The following MCC variants were observed in gnomAD, a reference collection of about 807,000 sequenced individuals.
MCC encodes MCC regulator of Wnt signaling pathway, also known as colorectal mutant cancer protein.
Under a neutral mutation model 116.2 loss-of-function variants are expected in MCC, and 90 were observed. The observed-to-expected ratio is 0.77, with a 90% CI of 0.65 to 0.92. The LOEUF (loss-of-function observed/expected upper bound fraction) is 0.92. Ranked by LOEUF, MCC falls within the 40% of genes least tolerant of loss-of-function variation. The pLI, the probability that MCC is intolerant of heterozygous loss-of-function variation, is 0.00. For missense variants in MCC, 1,516 were observed against 1,312.2 expected, an observed-to-expected ratio of 1.16 and a Z score of -2.40; for synonymous variants, 578 against 510.5, an observed-to-expected ratio of 1.13 and a Z score of -1.78.
intron 3 of MCC, among the ~76,000 whole-genome samples, chr5:113,289,725 T>G (rs1270363272): frequency 6.6e-6 from 1 of 152,344 alleles, no homozygotes; most frequent in East Asian, 1.9e-4. Flanking sequence ...ATCTTGGAAG[T>G]AGATCCTCTT....
chr5:113,168,966 G>C (rs146263857), intron 3 of MCC, among the ~76,000 whole-genome samples: 2 of 152,130 alleles, frequency 1.3e-5, no homozygotes, highest in Non-Finnish European at 2.9e-5. Flanking sequence ...CATAATCGGT[G>C]GATGTAAAGA....
chr5:113,417,222 C>G (rs1770176759), intron 1 of MCC, among the ~76,000 whole-genome samples: 1 of 152,156 alleles, frequency 6.6e-6, no homozygotes, highest in Admixed American at 6.5e-5. Context: ...CCCACCTAGG[C>G]CTCCCAAAGT....
chr5:113,159,912 T>C lies in MCC; in HGVS notation c.628-8490A>G, dbSNP rs555661176. The stretch of plus-strand genomic sequence containing the variant: ...TATAAATTAAAGATGTCTCACTGCA[T>C]GGAAATCACTTTTGTGTGCCCTAGA... On this transcript the variant is annotated intron_variant, in intron 3 of 18. Transcript: ENST00000408903. Among the ~76,000 whole-genome samples the C allele has an allele frequency of 4.6e-5, 7 of 152,358 alleles. No homozygotes were observed. The South Asian group carries it at 1.4e-3, about 32-fold the overall frequency.
intron 13 of MCC, among the ~76,000 whole-genome samples, chr5:113,067,633 T>C (rs1281292122): frequency 3.9e-5 from 6 of 152,080 alleles, no homozygotes; most frequent in Admixed American, 3.3e-4. Flanking sequence ...CAAAACTCCA[T>C]CTCAAAACAA....
chr5:113,283,325 T>A (rs571577275), intron 3 of MCC, among the ~76,000 whole-genome samples: 1 of 152,246 alleles, frequency 6.6e-6, no homozygotes, highest in East Asian at 1.9e-4. Flanking sequence ...TAACTCAACA[T>A]CAACAAAAGC....
intron 3 of MCC, among the ~76,000 whole-genome samples, chr5:113,200,712 A>G (rs913038163): frequency 2.6e-5 from 4 of 152,178 alleles, no homozygotes; most frequent in Non-Finnish European, 5.9e-5. Flanking sequence ...CCTTATAAGC[A>G]AAAGGATCTA....
chr5:113,207,492 G>A (rs1762961225), intron 3 of MCC, among the ~76,000 whole-genome samples: 1 of 152,082 alleles, frequency 6.6e-6, no homozygotes, highest in African/African-American at 2.4e-5. Context: ...AGTGTATCTG[G>A]AAGAACTGAA....
At chr5:113,459,592 A>G (rs978148501) in intron 1 of MCC, among the ~76,000 whole-genome samples, 2 of 152,024 alleles carry the variant, frequency 1.3e-5, no homozygotes, top group African/African-American at 2.4e-5. Flanking sequence ...TTGCCTCTGA[A>G]CACTGTTATT....
chr5:113,156,977 G>C (rs1760207370), intron 3 of MCC, among the ~76,000 whole-genome samples: 1 of 152,188 alleles, frequency 6.6e-6, no homozygotes. Context: ...GAAGTGAGCA[G>C]TGCCCTCATG....
intron 7 of MCC, among the ~76,000 whole-genome samples, chr5:113,102,410 C>T (rs940912108): frequency 4.6e-5 from 7 of 152,146 alleles, no homozygotes; most frequent in South Asian, 4.1e-4. Context: ...GCCAACTCAG[C>T]GATAAGATAG....
intron 1 of MCC, among the ~76,000 whole-genome samples, chr5:113,451,973 G>C (rs934828602): frequency 2.0e-5 from 3 of 152,192 alleles, no homozygotes; most frequent in Non-Finnish European, 4.4e-5. Flanking sequence ...GATCAAGATG[G>C]CTTCACCCCC....
chr5:113,470,030 C>T (rs1411927579), intron 1 of MCC, among the ~76,000 whole-genome samples: 5 of 152,160 alleles, frequency 3.3e-5, no homozygotes, highest in East Asian at 1.9e-4. Context: ...TTTCCATTTG[C>T]TTGGTAGATC....
Position 113,434,158 on chromosome 5 carries a change from G to C in MCC, c.171-48946C>G. ...GGGAAGTTGACGCGGTGCTCCTTCT[G>C]GATACGCAGCATCTTCTTGATGTTG... is the stretch of plus-strand genomic sequence containing the variant. On this transcript the variant is annotated intron_variant, in intron 1 of 18. Transcript: ENST00000408903. This position sits in a 1 kb window ranked among gnomAD's most constrained non-coding sequence, Gnocchi z 4.2. 6.2e-7 allele frequency: 1 copy of C among 1,614,192 alleles called. No homozygotes were observed. Among genetic ancestry groups the C allele is most frequent in the Non-Finnish European group, 8.5e-7 (1 of 1,180,028 alleles).
intron 16 of MCC, chr5:113,048,800 G>A (rs1210392196): frequency 2.0e-5 from 10 of 497,568 alleles, no homozygotes; most frequent in South Asian, 1.8e-4. Context: ...AGGATTAGAC[G>A]AAGGAGGTGA....
In MCC at chr5:113,194,464, A is replaced by G. The variant is rs532155056; in HGVS notation, c.628-43042T>C. 2.6e-5 allele frequency among the ~76,000 whole-genome samples: 4 copies of G among 152,298 alleles called. No homozygotes were observed. The South Asian group carries it at 6.2e-4, about 24-fold the overall frequency. On this transcript the variant is annotated intron_variant, in intron 3 of 18. Coordinates refer to ENST00000408903, the MANE Select transcript of MCC (RefSeq NM_001085377.2). ...AGGACTGCCTTAAGTCAGGAGTTCA[A>G]TATCAGCCTGGGCAACAAAGTAAGA...
chr5:113,338,655 A>C (rs1165448975), intron 3 of MCC, among the ~76,000 whole-genome samples: 3 of 152,212 alleles, frequency 2.0e-5, no homozygotes, highest in Non-Finnish European at 4.4e-5. Context: ...GTCTGTCTTG[A>C]GAAAAGGCTG....
intron 3 of MCC, among the ~76,000 whole-genome samples, chr5:113,227,381 G>GC (rs1283679748): frequency 6.6e-6 from 1 of 152,148 alleles, no homozygotes; most frequent in Non-Finnish European, 1.5e-5. Context: ...GAAGTATATA[G>GC]CCATACCTTA....
At chr5:113,048,407 T>C (rs977252363) in intron 16 of MCC, among the ~76,000 whole-genome samples, 2 of 152,202 alleles carry the variant, frequency 1.3e-5, no homozygotes, top group Non-Finnish European at 2.9e-5. Flanking sequence ...TAGGCCAGCA[T>C]AGCCGCAGTG....
chr5:113,055,584 C>A (rs1752778598), intron 14 of MCC, among the ~76,000 whole-genome samples: 1 of 152,188 alleles, frequency 6.6e-6, no homozygotes, highest in Non-Finnish European at 1.5e-5. Flanking sequence ...CACTAGAAAC[C>A]CTTTGGGGCT....
Sources: allele counts gnomAD v4.1 joint callset (sites outside exome capture counted in the v4.1 genomes callset), GRCh38; gene constraint gnomAD v4.1.1; non-coding constraint Gnocchi (gnomAD v3.1); transcripts MANE v1.5; gene names NCBI Gene and HGNC (gene_info 2026-07-23, HGNC 2026-07-21).